Variants in AFF4 observed in about 807,000 individuals in gnomAD.
AFF4 encodes the protein ALF transcription elongation factor 4.
AFF4 carries 13 observed loss-of-function variants against 124.8 expected under a neutral mutation model. The observed-to-expected ratio is 0.10, with a 90% CI of 0.07 to 0.17. The LOEUF is 0.17. AFF4 is among the 10% of genes least tolerant of loss of function. The pLI is 1.00. For synonymous variants in AFF4, 477 were observed against 496.1 expected (o/e 0.96, Z 0.51); for missense variants, 1,092 against 1,403.8 (o/e 0.78, Z 3.55).
At chr5:132,917,689 C>A (rs371719344) in intron 5 of AFF4, among the ~76,000 whole-genome samples, 1 of 96,628 alleles carries the variant, frequency 1.0e-5, no homozygotes, top group East Asian at 3.3e-4. Context: ...AAAGGTATTT[C>A]TTTTTCTTTT....
At chr5:132,955,807 T>C (rs1376641330) in intron 1 of AFF4, among the ~76,000 whole-genome samples, 1 of 142,146 alleles carries the variant, frequency 7.0e-6, no homozygotes, top group African/African-American at 2.6e-5. Flanking sequence ...TATATATATA[T>C]ATATATACAC....
At chr5:132,897,912 C>T (rs1760450057) in intron 10 of AFF4, among the ~76,000 whole-genome samples, 1 of 152,100 alleles carries the variant, frequency 6.6e-6, no homozygotes, top group East Asian at 1.9e-4. Flanking sequence ...ACATAAGACT[C>T]TTTTTATCAA....
In AFF4 at chr5:132,961,642, C is replaced by G. The variant is rs557585202; in HGVS notation, c.-5+1617G>C. 5.9e-5 allele frequency among the ~76,000 whole-genome samples: 9 copies of G among 152,286 alleles called. No homozygotes were observed. In the South Asian group the frequency reaches 1.9e-3, roughly 32 times the overall value. ...GTGACTCAGAACAAAAATATTCAAT[C>G]TTTAAGAATTCTTAATTACACAGCT... On this transcript the variant is annotated intron_variant, in intron 1 of 20. Transcript: ENST00000265343.
rs115881285 is a variant in AFF4 at position 132,913,076 on chromosome 5, G to A, written c.1051-8672C>T. ...ATTTTAAGTATAAGAACATAAACAG[G>A]TTAAAAGCAAAAGGTTGGAAAAAAC... On this transcript the variant is annotated intron_variant, in intron 5 of 20. Coordinates refer to ENST00000265343, the MANE Select transcript of AFF4 (RefSeq NM_014423.4). 4.5e-3 allele frequency among the ~76,000 whole-genome samples: 687 copies of A among 152,126 alleles called. 9 individuals carry two copies. Among genetic ancestry groups the A allele is most frequent in the African/African-American group, 0.016 (670 of 41,498 alleles).
intron 1 of AFF4, among the ~76,000 whole-genome samples, chr5:132,938,965 G>GAAA (rs1761500786): frequency 9.1e-6 from 1 of 109,858 alleles, no homozygotes; most frequent in Non-Finnish European, 1.8e-5. Flanking sequence ...AAAAAAAAAG[G>GAAA]CAATTTAATG....
At chr5:132,914,841 AC>A (rs1398151341) in intron 5 of AFF4, among the ~76,000 whole-genome samples, 6 of 152,310 alleles carry the variant, frequency 3.9e-5, no homozygotes, top group African/African-American at 1.4e-4. Flanking sequence ...ATTATAAAAA[AC>A]TTACAGCAAT....
intron 3 of AFF4, among the ~76,000 whole-genome samples, chr5:132,933,169 G>T (rs10900813): frequency 6.6e-6 from 1 of 150,586 alleles, no homozygotes; most frequent in South Asian, 2.1e-4. Flanking sequence ...AGGCCGAGGC[G>T]GGCGGATCAC....
At chr5:132,904,485 C>T (rs140100702) in intron 5 of AFF4, 81 bp from the exon 6 acceptor site, 13 of 1,190,734 alleles carry the variant, frequency 1.1e-5, no homozygotes, top group Admixed American at 2.1e-5. Context: ...TACATAAAAA[C>T]ACTTCAAGTA....
At chr5:132,884,369 AG>A (rs1391089930) in intron 19 of AFF4, among the ~76,000 whole-genome samples, 1 of 152,098 alleles carries the variant, frequency 6.6e-6, no homozygotes, top group Admixed American at 6.5e-5. Context: ...CCTCCAGAGT[AG>A]CTAGGATTAC....
At chr5:132,906,487 T>A (rs567545573) in intron 5 of AFF4, among the ~76,000 whole-genome samples, 1 of 152,272 alleles carries the variant, frequency 6.6e-6, no homozygotes, top group South Asian at 2.1e-4. Context: ...AAAAACATAA[T>A]GTTAAGTGAA....
At chr5:132,931,381 A>G (rs1016018995) in intron 4 of AFF4, among the ~76,000 whole-genome samples, 1 of 152,186 alleles carries the variant, frequency 6.6e-6, no homozygotes, top group Admixed American at 6.6e-5. Flanking sequence ...GTGAGCCTAG[A>G]TAATGCCACT....
chr5:132,953,552 C>T (rs2082839597), intron 1 of AFF4, among the ~76,000 whole-genome samples: 1 of 151,994 alleles, frequency 6.6e-6, no homozygotes, highest in African/African-American at 2.4e-5. Context: ...GTCACCATGC[C>T]CAATCCCAAA....
intron 1 of AFF4, among the ~76,000 whole-genome samples, chr5:132,959,557 T>C (rs1762034402): frequency 6.6e-6 from 1 of 152,122 alleles, no homozygotes; most frequent in African/African-American, 2.4e-5. Flanking sequence ...GTTCTAATAT[T>C]TTCTGTGCCC....
intron 7 of AFF4, among the ~76,000 whole-genome samples, chr5:132,900,517 A>G (rs1760525169): frequency 6.6e-6 from 1 of 152,142 alleles, no homozygotes; most frequent in Non-Finnish European, 1.5e-5. Context: ...CCGACATCCC[A>G]TCACTGCACT....
chr5:132,946,015 G>A (rs892257641), intron 1 of AFF4, among the ~76,000 whole-genome samples: 5 of 150,760 alleles, frequency 3.3e-5, no homozygotes, highest in Admixed American at 2.6e-4. Flanking sequence ...AGCCACGATT[G>A]CACCATTGCA....
chr5:132,889,179 C>CA lies in AFF4; in HGVS notation c.2638-7dup, dbSNP rs758066687. 15 of 1,590,740 alleles carry CA rather than the reference C, an allele frequency of 9.4e-6. No homozygotes were observed. Among genetic ancestry groups the CA allele is most frequent in the South Asian group, 5.6e-5 (5 of 89,960 alleles). On this transcript the variant is annotated splice_polypyrimidine_tract_variant and splice_region_variant and intron_variant, in intron 13 of 20. Transcript: ENST00000265343. ...GAGCTACTTGGAGCCTTTTCCTGAC[C>CA]AAAAAAATATATAACTACAATGAAA...
In AFF4 at chr5:132,889,153, G is replaced by A; in HGVS notation, c.2658C>T (p.Ser886=). The A allele has an allele frequency of 6.2e-7, 1 of 1,613,736 alleles. No individual in the cohort carries two copies. The highest frequency in any genetic ancestry group is 8.5e-7 in the Non-Finnish European group (1 of 1,179,730). ...KEVKEKAPSS[S]SNCPPSAPTL... is the part of the protein sequence containing the mutation. ...TTGGTGCAGATGGAGGACAGTTAGA[G>A]GAGCTACTTGGAGCCTTTTCCTGAC... The change falls in exon 14 of 21, where the codon TCC becomes TCT. Residue 886 remains serine, a synonymous_variant. Coordinates refer to ENST00000265343, the MANE Select transcript of AFF4 (RefSeq NM_014423.4).
chr5:132,883,902 A>G (rs1002599817), intron 19 of AFF4, among the ~76,000 whole-genome samples: 3 of 152,192 alleles, frequency 2.0e-5, no homozygotes, highest in African/African-American at 7.2e-5. Flanking sequence ...ATATAATTAC[A>G]TATTTTTTAT....
chr5:132,886,210 T>C (rs1435445092), intron 18 of AFF4, 100 bp downstream of exon 18: 5 of 964,166 alleles, frequency 5.2e-6, no homozygotes, highest in Non-Finnish European at 7.9e-6. Flanking sequence ...GCTCCTCCCC[T>C]GGTGTGTTTT....
Sources: allele counts gnomAD v4.1 joint callset (sites outside exome capture counted in the v4.1 genomes callset), GRCh38; gene constraint gnomAD v4.1.1; transcripts MANE v1.5; gene names NCBI Gene and HGNC (gene_info 2026-07-23, HGNC 2026-07-21).